Variants in EVC observed in about 807,000 individuals in gnomAD.
EVC encodes the protein evC complex member EVC.
In EVC, 116 loss-of-function variants were observed where a neutral mutation model predicts 118.9. That is an observed-to-expected ratio of 0.98 (90% confidence interval 0.84 to 1.14). The LOEUF is 1.14. Among genes scored for constraint, EVC ranks in the 50% most tolerant of loss-of-function variants. The pLI is 0.00. For synonymous variants in EVC, 619 were observed against 534.7 expected (o/e 1.16, Z -2.18); for missense variants, 1,401 against 1,246.4 (o/e 1.12, Z -1.87).
chr4:5,784,605 GAT>G (rs1491114101), intron 12 of EVC, among the ~76,000 whole-genome samples: 3 of 122,562 alleles, frequency 2.4e-5, no homozygotes, highest in Admixed American at 1.0e-4. Flanking sequence ...AATACACATT[GAT>G]TTTTTTTTTT....
rs1729958285 is a variant in EVC, at chr4:5,749,158, G to A, written c.1098+852G>A. Among the ~76,000 whole-genome samples, 2 of 152,040 alleles carry A rather than the reference G, an allele frequency of 1.3e-5. No homozygotes were observed. The highest frequency in any genetic ancestry group is 2.4e-5 in the African/African-American group (1 of 41,382). ...TCTGAGGTTCTAATATGATTGGTCT[G>A]GAGTGGAGGCCCTGGCATTGTGGGT... On this transcript the variant is annotated intron_variant, in intron 8 of 20. Transcript: ENST00000264956. The surrounding 1 kb of genome is among the most constrained non-coding windows in gnomAD (Gnocchi z 4.4).
At position 5,731,615 on chromosome 4, in the gene EVC, T is replaced by G. The variant is rs1470683132; in HGVS notation, c.575T>G (p.Phe192Cys). The G allele has an allele frequency of 6.2e-7, 1 of 1,614,078 alleles. No homozygotes were observed. The highest frequency in any genetic ancestry group is 2.2e-5 in the East Asian group (1 of 44,858). The change falls in exon 4 of 21, where the codon TTC becomes TGC. Residue 192 changes from phenylalanine to cysteine, a missense_variant. Phe to Cys is a radical substitution (Grantham distance 205). Transcript: ENST00000264956. The surrounding 1 kb of genome is among the most constrained non-coding windows in gnomAD (Gnocchi z 5.6). The part of the protein sequence containing the change: ...TSDDRFLSRT[F>C]LRVNAFPEVL... ...GATGACAGGTTTCTCAGCCGCACCT[T>G]CCTCCGGGTGAACGCCTTCCCTGAA...
At chr4:5,785,975 A>G (rs1392366897) in intron 12 of EVC, among the ~76,000 whole-genome samples, 1 of 152,132 alleles carries the variant, frequency 6.6e-6, no homozygotes, top group African/African-American at 2.4e-5. Context: ...GACCCACTAA[A>G]TGAGTGTAGG....
intron 5 of EVC, among the ~76,000 whole-genome samples, chr4:5,733,775 ATATT>A (rs1215870032): frequency 6.6e-6 from 1 of 152,186 alleles, no homozygotes; most frequent in Non-Finnish European, 1.5e-5. Context: ...AATGATAAGA[ATATT>A]TATGAGCATG....
the EVC span, among the ~76,000 whole-genome samples, chr4:5,819,798 C>G: frequency 2.0e-5 from 3 of 150,888 alleles, no homozygotes; most frequent in East Asian, 5.8e-4. Flanking sequence ...ATCCAAAAAT[C>G]CTTACCATCC....
the EVC span, chr4:5,821,924 T>G: frequency 2.5e-6 from 3 of 1,187,230 alleles, no homozygotes; most frequent in South Asian, 4.3e-5. The surrounding 1 kb of genome is among the most constrained non-coding windows in gnomAD (Gnocchi z 4.4). Context: ...GGAGGCCATG[T>G]ACTCTGCCAT....
chr4:5,782,418 C>T (rs558285156), intron 11 of EVC, among the ~76,000 whole-genome samples: 9 of 96,664 alleles, frequency 9.3e-5, no homozygotes, highest in African/African-American at 3.4e-4. Flanking sequence ...TTTTTTGAGA[C>T]GGAGTCTCTC....
chr4:5,781,725 A>C (rs1459578269), intron 11 of EVC, among the ~76,000 whole-genome samples: 1 of 152,158 alleles, frequency 6.6e-6, no homozygotes, highest in African/African-American at 2.4e-5. Context: ...CTATAGTCCC[A>C]GCTATTTGGG....
intron 2 of EVC, among the ~76,000 whole-genome samples, chr4:5,722,263 T>TTTA (rs1167493829): frequency 1.3e-5 from 2 of 152,214 alleles, no homozygotes; most frequent in Non-Finnish European, 2.9e-5. Flanking sequence ...CAGGGGGACC[T>TTTA]AAATATTTCT....
intron 13 of EVC, 64 bp downstream of exon 13, chr4:5,793,781 T>C (rs1305739232): frequency 7.9e-7 from 1 of 1,267,652 alleles, no homozygotes; most frequent in Admixed American, 2.0e-5. Flanking sequence ...CCAGCCTCAG[T>C]GTCCTCATCT....
chr4:5,732,854 T>C (rs2151943135), intron 4 of EVC, among the ~76,000 whole-genome samples: 1 of 151,820 alleles, frequency 6.6e-6, no homozygotes, highest in African/African-American at 2.4e-5. Context: ...TAAAATAAAA[T>C]CCAAAATCAA....
chr4:5,747,125 C>T (rs1346563870), intron 7 of EVC, among the ~76,000 whole-genome samples: 2 of 152,006 alleles, frequency 1.3e-5, no homozygotes, highest in Non-Finnish European at 2.9e-5. Flanking sequence ...GGCAATGGGG[C>T]CCTGAGATGG....
At chr4:5,786,397 T>C (rs1364840694) in intron 12 of EVC, among the ~76,000 whole-genome samples, 1 of 152,202 alleles carries the variant, frequency 6.6e-6, no homozygotes, top group African/African-American at 2.4e-5. Context: ...TTTGTTTACT[T>C]TGTGAGCATA....
chr4:5,809,664 C>G, intron 19 of EVC, 53 bp downstream of exon 19: 1 of 1,503,844 alleles, frequency 6.6e-7, no homozygotes, highest in South Asian at 1.1e-5. Flanking sequence ...CTGAGAGATA[C>G]GGATTCTAGT....
intron 11 of EVC, among the ~76,000 whole-genome samples, chr4:5,769,137 C>G (rs1240426181): frequency 1.3e-5 from 2 of 152,114 alleles, no homozygotes; most frequent in East Asian, 1.9e-4. Context: ...ACAGGTTTAA[C>G]AGACTCACAG....
the EVC span, chr4:5,821,956 C>A: frequency 9.6e-7 from 1 of 1,037,684 alleles, no homozygotes; most frequent in Non-Finnish European, 1.4e-6. This position sits in a 1 kb window ranked among gnomAD's most constrained non-coding sequence, Gnocchi z 4.4. Context: ...GACCCACCTT[C>A]ATTCAGGGCT....
In EVC at chr4:5,743,112, TG is replaced by T. The variant is rs1728853868; in HGVS notation, c.801+1301del. On this transcript the variant is annotated intron_variant, in intron 6 of 20. Coordinates refer to ENST00000264956, the MANE Select transcript of EVC (RefSeq NM_153717.3). This position sits in a 1 kb window ranked among gnomAD's most constrained non-coding sequence, Gnocchi z 4.7. The stretch of plus-strand genomic sequence containing the variant: ...TGCCATGGAAAAGGGTGGTAACTTT[TG>T]GGTTGTTGACATGGCATTTGTAATC... Among the ~76,000 whole-genome samples the T allele has an allele frequency of 3.3e-5, 5 of 152,206 alleles. No homozygotes were observed. The highest frequency in any genetic ancestry group is 3.3e-4 in the Admixed American group (5 of 15,282).
chr4:5,753,961 T>C (rs777731204), intron 10 of EVC, 28 bp downstream of exon 10: 27 of 1,612,102 alleles, frequency 1.7e-5, no homozygotes, highest in Non-Finnish European at 1.9e-5. Context: ...CCTCTGCACA[T>C]GTGGGTGAGC....
chr4:5,758,862 A>T (rs1731577155), intron 11 of EVC, among the ~76,000 whole-genome samples: 1 of 152,232 alleles, frequency 6.6e-6, no homozygotes, highest in Non-Finnish European at 1.5e-5. Context: ...AAGAGACCAC[A>T]GTAAAGGGGA....
Sources: allele counts gnomAD v4.1 joint callset (sites outside exome capture counted in the v4.1 genomes callset), GRCh38; gene constraint gnomAD v4.1.1; non-coding constraint Gnocchi (gnomAD v3.1); transcripts MANE v1.5; gene names NCBI Gene and HGNC (gene_info 2026-07-23, HGNC 2026-07-21).